Variants in PVT1 observed in about 807,000 individuals in gnomAD.
PVT1 encodes the protein CXCR4/PVT1 fusion.
chr8:128,021,967 G>T (rs1211034913), intron 4 of PVT1, among the ~76,000 whole-genome samples: 1 of 152,156 alleles, frequency 6.6e-6, no homozygotes, highest in Non-Finnish European at 1.5e-5. Flanking sequence ...CATGAGAATC[G>T]CTTGAACTCA....
At chr8:127,956,538 G>T (rs916699680) in intron 3 of PVT1, among the ~76,000 whole-genome samples, 31 of 152,268 alleles carry the variant, frequency 2.0e-4, no homozygotes, top group African/African-American at 6.7e-4. Context: ...AGGCTGGAGT[G>T]CAGTGGCGTG....
chr8:127,921,813 G>A (rs115525915), intron 3 of PVT1, among the ~76,000 whole-genome samples: 137,981 of 143,114 alleles, frequency 0.96, 66,578 homozygotes, highest in Middle Eastern at 1. Context: ...ACTCTGTCTG[G>A]AAAATAAATA....
chr8:127,819,919 G>A (rs961364374), intron 2 of PVT1, among the ~76,000 whole-genome samples: 5 of 152,286 alleles, frequency 3.3e-5, no homozygotes, highest in Admixed American at 6.5e-5. Flanking sequence ...ATTCTATCGA[G>A]TCTCATCTGG....
At chr8:128,095,286 T>TGGGG (rs1814412748) in intron 5 of PVT1, among the ~76,000 whole-genome samples, 1 of 152,160 alleles carries the variant, frequency 6.6e-6, no homozygotes, top group Non-Finnish European at 1.5e-5. Context: ...GTGATGCTTT[T>TGGGG]TCTTGGGGTG....
At chr8:127,959,706 T>TA (rs1816616031) in intron 3 of PVT1, among the ~76,000 whole-genome samples, 1 of 152,096 alleles carries the variant, frequency 6.6e-6, no homozygotes, top group African/African-American at 2.4e-5. Context: ...GAGGCTGATT[T>TA]AGGCTGTTCA....
intron 2 of PVT1, among the ~76,000 whole-genome samples, chr8:127,812,877 T>TAATATGCA (rs1814614381): frequency 1.3e-5 from 2 of 152,102 alleles, no homozygotes; most frequent in Non-Finnish European, 2.9e-5. Context: ...TGTAACTGTG[T>TAATATGCA]CAGGCTCTCA....
intron 4 of PVT1, among the ~76,000 whole-genome samples, chr8:128,040,496 T>C (rs1185143531): frequency 2.0e-5 from 3 of 152,156 alleles, no homozygotes; most frequent in African/African-American, 7.2e-5. Context: ...TCCTACTGAT[T>C]CTGTTTTTCT....
intron 2 of PVT1, among the ~76,000 whole-genome samples, chr8:127,839,585 T>TAAAAAAAAAAAA (rs1215776062): frequency 7.5e-6 from 1 of 134,196 alleles, no homozygotes; most frequent in Non-Finnish European, 1.6e-5. Flanking sequence ...AAAAAAAAAA[T>TAAAAAAAAAAAA]AAAAAAAAAT....
intron 3 of PVT1, chr8:127,948,068 T>G (rs1294329226): frequency 2.6e-6 from 1 of 380,494 alleles, no homozygotes; most frequent in East Asian, 7.2e-5. Context: ...GAGAAGTAAG[T>G]TTTAGCTTTC....
chr8:127,835,357 AAC>A (rs780227066), intron 2 of PVT1, among the ~76,000 whole-genome samples: 5 of 151,964 alleles, frequency 3.3e-5, no homozygotes, highest in Non-Finnish European at 7.4e-5. Flanking sequence ...CGAAAAACCA[AAC>A]ACAGCATGTT....
At chr8:127,806,381 A>T (rs1814527302) in intron 2 of PVT1, among the ~76,000 whole-genome samples, 1 of 152,142 alleles carries the variant, frequency 6.6e-6, no homozygotes, top group Non-Finnish European at 1.5e-5. Flanking sequence ...GAATCGCTTG[A>T]ACCTGGGAGG....
At chr8:127,876,422 A>T (rs1563627846) in intron 2 of PVT1, among the ~76,000 whole-genome samples, 1 of 151,244 alleles carries the variant, frequency 6.6e-6, no homozygotes, top group African/African-American at 2.4e-5. Context: ...TATTTTTTTA[A>T]TTATTTTATT....
intron 3 of PVT1, among the ~76,000 whole-genome samples, chr8:127,977,742 A>G (rs1422582072): frequency 1.3e-5 from 2 of 152,190 alleles, no homozygotes; most frequent in East Asian, 1.9e-4. Flanking sequence ...GTCAAAAAAA[A>G]GATACCTTGT....
At chr8:127,863,462 C>G (rs1185579408) in intron 2 of PVT1, among the ~76,000 whole-genome samples, 2 of 152,304 alleles carry the variant, frequency 1.3e-5, no homozygotes, top group Admixed American at 6.5e-5. Flanking sequence ...AGGAACTTCT[C>G]TCTTCCCTTC....
intron 2 of PVT1, among the ~76,000 whole-genome samples, chr8:127,868,542 C>T (rs1196713157): frequency 6.6e-6 from 1 of 151,502 alleles, no homozygotes; most frequent in East Asian, 1.9e-4. Flanking sequence ...TGCATGCCAC[C>T]ACACCCAGCT....
intron 3 of PVT1, among the ~76,000 whole-genome samples, chr8:127,907,462 G>A (rs1206491855): frequency 1.3e-5 from 2 of 152,232 alleles, no homozygotes; most frequent in Non-Finnish European, 2.9e-5. Context: ...TACAGTGCCT[G>A]TTCTCCTGCA....
rs567843828 is a variant in PVT1 at position 127,869,834 on chromosome 8, C to T, written n.373-20755C>T. 7.2e-5 allele frequency among the ~76,000 whole-genome samples: 11 copies of T among 152,294 alleles called. No individual in the cohort carries two copies. The East Asian group carries it at 1.3e-3, about 19-fold the overall frequency. Reference sequence around the variant, plus strand: ...TTGTTTTTGTTTTGAGATGGAGTCTCGCTCTGTCACTCAGGAAGGAGTGCA... The same window carrying T: ...TTGTTTTTGTTTTGAGATGGAGTCTTGCTCTGTCACTCAGGAAGGAGTGCA... On this transcript the variant is annotated intron_variant and non_coding_transcript_variant, in intron 2 of 10. Coordinates refer to ENST00000651587, the Ensembl canonical transcript of PVT1.
At chr8:128,088,101 C>T (rs1429671773) in intron 5 of PVT1, among the ~76,000 whole-genome samples, 1 of 152,038 alleles carries the variant, frequency 6.6e-6, no homozygotes, top group Non-Finnish European at 1.5e-5. Flanking sequence ...GTTAAATTCC[C>T]CAAACAAAAC....
intron 4 of PVT1, among the ~76,000 whole-genome samples, chr8:128,002,974 TTCCTTC>T (rs1381441139): frequency 2.6e-5 from 3 of 115,112 alleles, no homozygotes; most frequent in African/African-American, 9.9e-5. Context: ...TCCCTCTTCC[TTCCTTC>T]CTTCCTTCCT....
Sources: gnomAD v4.1 joint callset for allele counts (sites outside exome capture counted in the v4.1 genomes callset) on GRCh38, gnomAD v4.1.1 for gene constraint, MANE v1.5 for transcripts, NCBI Gene and HGNC (gene_info 2026-07-23, HGNC 2026-07-21) for gene names.